Variants in FAAH2 observed in about 807,000 individuals in gnomAD.
The protein encoded by FAAH2 is fatty acid amide hydrolase 2.
FAAH2 carries 60 observed loss-of-function variants against 36.9 expected under a neutral mutation model. That is an observed-to-expected ratio of 1.63 (90% confidence interval 1.32 to 2.02). The LOEUF is 2.02. FAAH2 is among the 30% of genes most tolerant of loss of function. The pLI, the probability that FAAH2 is intolerant of heterozygous loss-of-function variation, is 0.00. For missense variants in FAAH2, 689 were observed against 397.5 expected (o/e 1.73, Z -6.23); for synonymous variants, 214 against 143.8 (o/e 1.49, Z -3.49).
chrX:57,487,714 T>C (rs1196539271), intron 10 of FAAH2, among the ~76,000 whole-genome samples: 5 of 112,171 alleles, frequency 4.5e-5, no homozygotes, highest in African/African-American at 1.6e-4. Flanking sequence ...CAATTTGGCA[T>C]TTTCTTAAAA....
chrX:57,412,644 TC>T (rs1331377494), intron 7 of FAAH2, among the ~76,000 whole-genome samples: 1 of 112,332 alleles, frequency 8.9e-6, no homozygotes, highest in Non-Finnish European at 1.9e-5. Context: ...TTGCCTTGGT[TC>T]CAAGTCTTTG....
chrX:57,230,544 A>G, the FAAH2 span, among the ~76,000 whole-genome samples: 3 of 111,390 alleles, frequency 2.7e-5, no homozygotes, highest in East Asian at 8.4e-4. Flanking sequence ...ACTTCCTTCT[A>G]TATTTGTTAA....
At chrX:57,481,156 G>A (rs1442051842) in intron 10 of FAAH2, among the ~76,000 whole-genome samples, 1 of 110,028 alleles carries the variant, frequency 9.1e-6, no homozygotes, top group African/African-American at 3.3e-5. Flanking sequence ...TTTTATCAAG[G>A]TTTTTAGGTT....
the FAAH2 span, among the ~76,000 whole-genome samples, chrX:57,245,556 G>A: frequency 5.3e-5 from 6 of 112,188 alleles, no homozygotes; most frequent in Non-Finnish European, 1.1e-4. Flanking sequence ...AATCAAATTA[G>A]AACTCAGGAT....
At chrX:57,466,067 C>A (rs1402394906) in intron 10 of FAAH2, among the ~76,000 whole-genome samples, 1 of 106,368 alleles carries the variant, frequency 9.4e-6, no homozygotes, top group Non-Finnish European at 1.9e-5. Flanking sequence ...TACACACGCA[C>A]ACATAAAAAC....
At chrX:57,478,312 C>T (rs2057309611) in intron 10 of FAAH2, among the ~76,000 whole-genome samples, 1 of 111,169 alleles carries the variant, frequency 9.0e-6, no homozygotes, top group African/African-American at 3.3e-5. Flanking sequence ...TGTTCATGTC[C>T]TTTGCCCACT....
chrX:57,471,246 G>A (rs1377171150), intron 10 of FAAH2, among the ~76,000 whole-genome samples: 2 of 111,610 alleles, frequency 1.8e-5, no homozygotes, highest in African/African-American at 6.5e-5. Context: ...TTATGGCCAG[G>A]GCAATGAGGC....
intron 3 of FAAH2, among the ~76,000 whole-genome samples, chrX:57,324,137 G>T (rs1300234556): frequency 8.9e-6 from 1 of 111,758 alleles, no homozygotes; most frequent in East Asian, 2.8e-4. Flanking sequence ...GTTTGTCAAA[G>T]ATCATATGTT....
chrX:57,131,536 T>C, the FAAH2 span, among the ~76,000 whole-genome samples: 4 of 112,002 alleles, frequency 3.6e-5, no homozygotes, highest in Admixed American at 3.8e-4. Flanking sequence ...TATCTAGCCA[T>C]GTCCTCCAGT....
the FAAH2 span, among the ~76,000 whole-genome samples, chrX:57,278,578 A>G: frequency 2.7e-5 from 3 of 111,292 alleles, no homozygotes; most frequent in African/African-American, 9.8e-5. Flanking sequence ...AAATTGACAA[A>G]TTGCATCTAA....
the FAAH2 span, among the ~76,000 whole-genome samples, chrX:57,266,426 G>T: frequency 1.8e-4 from 20 of 112,345 alleles, no homozygotes; most frequent in Admixed American, 1.1e-3. Context: ...TCACCAGGCA[G>T]GTCCTCCATG....
chrX:57,161,609 A>T, the FAAH2 span, among the ~76,000 whole-genome samples: 1 of 111,707 alleles, frequency 9.0e-6, no homozygotes, highest in Non-Finnish European at 1.9e-5. Context: ...CTTTACCGTT[A>T]TGTAATGGCC....
At position 57,352,097 on chromosome X, in the gene FAAH2, T is replaced by TATATAC. The variant is rs2054032239; in HGVS notation, c.742+10712_742+10713insCATATA. On this transcript the variant is annotated intron_variant, in intron 5 of 10. Transcript: ENST00000374900. The stretch of plus-strand genomic sequence containing the variant: ...ATATATATGTGTATATATATGCACA[T>TATATAC]ATATATATATGTGTATATATATGCA... Among the ~76,000 whole-genome samples, 5 of 1,014 alleles carry TATATAC rather than the reference T, an allele frequency of 4.9e-3. 1 individual carries two copies. The highest frequency in any genetic ancestry group is 0.023 in the Non-Finnish European group (3 of 133). The allele number at this position is 1,014 out of a possible 115,157, so 0.9% of individuals were successfully genotyped here.
the FAAH2 span, among the ~76,000 whole-genome samples, chrX:57,218,027 T>A: frequency 8.9e-6 from 1 of 112,200 alleles, no homozygotes; most frequent in East Asian, 2.8e-4. Context: ...GAAAAGCTAC[T>A]GATTTGTGTA....
At chrX:57,331,960 A>G (rs1179362544) in intron 4 of FAAH2, among the ~76,000 whole-genome samples, 153 bp downstream of exon 4, 1 of 112,079 alleles carries the variant, frequency 8.9e-6, no homozygotes, top group Non-Finnish European at 1.9e-5. Flanking sequence ...AAGAAATGGG[A>G]GTCATGTAAC....
the FAAH2 span, among the ~76,000 whole-genome samples, chrX:57,207,509 C>A: frequency 1.8e-5 from 2 of 111,940 alleles, no homozygotes; most frequent in African/African-American, 3.3e-5. Context: ...TTGATTCACC[C>A]AATAAGCTGC....
At chrX:57,151,406 C>T in the FAAH2 span, among the ~76,000 whole-genome samples, 2 of 111,987 alleles carry the variant, frequency 1.8e-5, no homozygotes, top group African/African-American at 3.2e-5. Context: ...ACCAATCAGA[C>T]ATAGATTTGG....
intron 7 of FAAH2, among the ~76,000 whole-genome samples, chrX:57,419,345 G>C (rs1335141237): frequency 9.0e-6 from 1 of 110,908 alleles, no homozygotes; most frequent in Non-Finnish European, 1.9e-5. Flanking sequence ...CAGTGTAAAA[G>C]TGTTCCTATT....
At chrX:57,277,694 C>T in the FAAH2 span, among the ~76,000 whole-genome samples, 4 of 112,082 alleles carry the variant, frequency 3.6e-5, no homozygotes, top group Middle Eastern at 4.6e-3. Flanking sequence ...AGCCCAAAAT[C>T]TCCTTAAGCT....
Sources: gnomAD v4.1 joint callset for allele counts (sites outside exome capture counted in the v4.1 genomes callset) on GRCh38, gnomAD v4.1.1 for gene constraint, MANE v1.5 for transcripts, NCBI Gene and HGNC (gene_info 2026-07-23, HGNC 2026-07-21) for gene names.